ADRA1D: variants seen among roughly 807,000 people sequenced by gnomAD.
ADRA1D encodes adrenoceptor alpha 1D.
ADRA1D carries 22 observed loss-of-function variants against 18.6 expected under a neutral mutation model. The ratio of observed to expected loss-of-function variants is 1.19; its 90% CI spans 0.85 to 1.69. The LOEUF is 1.69. ADRA1D is among the 40% of genes most tolerant of loss of function. ADRA1D has a pLI of 0.00. For synonymous variants in ADRA1D, 376 were observed against 388.2 expected (o/e 0.97, Z 0.37); for missense variants, 840 against 840.7 (o/e 1.00, Z 0.01).
In ADRA1D at chr20:4,248,644, G is replaced by A. The variant is rs1257174186; in HGVS notation, c.314C>T (p.Ala105Val). The change falls in exon 1 of 2, where the codon GCC becomes GTC. Residue 105 changes from alanine (A) to valine (V), a missense_variant. Physicochemically the swap from Ala to Val is moderately conservative, Grantham distance 64. Coordinates refer to ENST00000379453, the MANE Select transcript of ADRA1D (RefSeq NM_000678.4). ...ACCTGCCACGGCCATAAGGATGAAGGCTGCCAGGAAGACGCCCACGCCCAC... is the reference window on the plus strand; with the variant it reads ...ACCTGCCACGGCCATAAGGATGAAGACTGCCAGGAAGACGCCCACGCCCAC... ...QGVGVGVFLA[A>V]FILMAVAGNL... The A allele has an allele frequency of 6.2e-7, 1 of 1,612,056 alleles. No homozygotes were observed. Among genetic ancestry groups the A allele is most frequent in the Non-Finnish European group, 8.5e-7 (1 of 1,179,450 alleles).
At chr20:4,230,368 C>T (rs192891116) in intron 1 of ADRA1D, among the ~76,000 whole-genome samples, 246 of 152,354 alleles carry the variant, frequency 1.6e-3, no homozygotes, top group African/African-American at 5.3e-3. Context: ...ATAACACTTG[C>T]TGAGTTTGCT....
intron 1 of ADRA1D, among the ~76,000 whole-genome samples, chr20:4,234,043 G>A (rs1298658686): frequency 3.3e-5 from 5 of 152,224 alleles, no homozygotes; most frequent in African/African-American, 4.8e-5. Context: ...GGTCAGAAGA[G>A]GTGAGGCCTC....
chr20:4,238,833 C>T (rs1490945143), intron 1 of ADRA1D, among the ~76,000 whole-genome samples: 2 of 152,116 alleles, frequency 1.3e-5, no homozygotes, highest in East Asian at 3.9e-4. Flanking sequence ...GGATCTGGGG[C>T]TCACAGAAAT....
chr20:4,238,014 G>A (rs558034127), intron 1 of ADRA1D, among the ~76,000 whole-genome samples: 53 of 151,042 alleles, frequency 3.5e-4, no homozygotes, highest in Non-Finnish European at 6.1e-4. Flanking sequence ...TTGGGAGGCC[G>A]AGGCGGGCGG....
At chr20:4,228,927 C>A (rs977677035) in intron 1 of ADRA1D, among the ~76,000 whole-genome samples, 1 of 152,194 alleles carries the variant, frequency 6.6e-6, no homozygotes, top group African/African-American at 2.4e-5. Flanking sequence ...CTTGTCCCCA[C>A]CTGACCTCAC....
Position 4,221,219 on chromosome 20 carries a change from A to G in ADRA1D, c.*304T>C. On this transcript the variant is annotated 3_prime_UTR_variant, in exon 2 of 2. Coordinates refer to ENST00000379453, the MANE Select transcript of ADRA1D (RefSeq NM_000678.4). ...GGGCTGTCTACTCAGGGTTCAGGGCATGGAGGATGGGGCAGTGTTTCTCAA... is the reference window on the plus strand; with the variant it reads ...GGGCTGTCTACTCAGGGTTCAGGGCGTGGAGGATGGGGCAGTGTTTCTCAA... 1 of 275,074 alleles carries G rather than the reference A, an allele frequency of 3.6e-6. No homozygotes were observed. The highest frequency in any genetic ancestry group is 6.8e-6 in the Non-Finnish European group (1 of 147,886). 17.0% of individuals were successfully genotyped at this position (275,074 alleles called of 1,614,324 possible).
At position 4,222,485 on chromosome 20, in the gene ADRA1D, C is replaced by CT. The variant is rs576739693; in HGVS notation, c.1112-356dup. The CT allele has an allele frequency of 4.6e-4, 79 of 171,256 alleles. No homozygotes were observed. The highest frequency in any genetic ancestry group is 5.1e-3 in the Middle Eastern group (2 of 396). The allele number at this position is 171,256 out of a possible 1,614,324, so 10.6% of individuals were successfully genotyped here. A position where few individuals can be genotyped will look rare whatever the true frequency, so the allele number is the denominator to read the frequency against. ...CAAACATAGCCATGTTTGCTCATTT[C>CT]TGCGTGCCAGCATAATTTCACAAAG... On this transcript the variant is annotated intron_variant, in intron 1 of 1. Transcript: ENST00000379453. This position sits in a 1 kb window ranked among gnomAD's most constrained non-coding sequence, Gnocchi z 4.3.
chr20:4,247,794 C>T, intron 1 of ADRA1D, 53 bp downstream of exon 1: 1 of 1,431,522 alleles, frequency 7.0e-7, no homozygotes, highest in Non-Finnish European at 9.1e-7. Flanking sequence ...CAGGAGGGCA[C>T]CGCCATAGGC....
intron 1 of ADRA1D, among the ~76,000 whole-genome samples, chr20:4,235,217 T>A (rs916822211): frequency 5.3e-5 from 8 of 152,076 alleles, no homozygotes; most frequent in African/African-American, 1.9e-4. Context: ...ATCCTTGAAC[T>A]ACCTGGGGCT....
chr20:4,228,406 A>T (rs548531343), intron 1 of ADRA1D, among the ~76,000 whole-genome samples: 1 of 146,260 alleles, frequency 6.8e-6, no homozygotes, highest in South Asian at 2.2e-4. Context: ...TCAAGGTGGC[A>T]TTAAGGAGGT....
chr20:4,246,808 C>A (rs1361100323), intron 1 of ADRA1D, among the ~76,000 whole-genome samples: 1 of 152,198 alleles, frequency 6.6e-6, no homozygotes, highest in Admixed American at 6.5e-5. Flanking sequence ...AGTGACACAT[C>A]TAATTTATAA....
At position 4,221,959 on chromosome 20, in the gene ADRA1D, C is replaced by T. The variant is rs753657916; in HGVS notation, c.1283G>A (p.Arg428His). 1.4e-5 allele frequency: 21 copies of T among 1,547,020 alleles called. No homozygotes were observed. Among genetic ancestry groups the T allele is most frequent in the Non-Finnish European group, 1.8e-5 (21 of 1,146,192 alleles). Residue 428 changes from arginine to histidine, a missense_variant, in exon 2 of 2, where the codon CGC (arginine) becomes CAC (histidine). Arg to His is a conservative substitution (Grantham distance 29). Transcript: ENST00000379453. Reference protein sequence around the residue: ...RCQCRRRRRRRPLWRVYGHHW... With the variant: ...RCQCRRRRRRHPLWRVYGHHW... ...GTGGCCGTAGACACGCCAGAGAGGG[C>T]GGCGGCGCCGGCGACGACGGCACTG... is the stretch of plus-strand genomic sequence containing the variant.
At chr20:4,228,633 C>T (rs1980876632) in intron 1 of ADRA1D, among the ~76,000 whole-genome samples, 8 of 152,244 alleles carry the variant, frequency 5.3e-5, no homozygotes, top group Admixed American at 5.2e-4. Flanking sequence ...CCAAGCCTTG[C>T]AGCCTGCCCC....
chr20:4,244,799 G>C (rs1981296340), intron 1 of ADRA1D, among the ~76,000 whole-genome samples: 1 of 152,230 alleles, frequency 6.6e-6, no homozygotes, highest in Admixed American at 6.5e-5. Context: ...AAGCCATACT[G>C]GGGCAGATCG....
intron 1 of ADRA1D, among the ~76,000 whole-genome samples, chr20:4,224,384 C>G (rs1023453834): frequency 6.6e-6 from 1 of 152,038 alleles, no homozygotes; most frequent in Admixed American, 6.5e-5. Context: ...GAAGACCCTC[C>G]TTTCCACAAA....
At position 4,221,638 on chromosome 20, in the gene ADRA1D, T is replaced by C; in HGVS notation, c.1604A>G (p.Gln535Arg). The C allele has an allele frequency of 6.2e-7, 1 of 1,613,020 alleles. No homozygotes were observed. The highest frequency in any genetic ancestry group is 8.5e-7 in the Non-Finnish European group (1 of 1,179,588). Reference sequence around the variant, plus strand: ...GGACACAGCCTCCACCTCTGAGCGCTGGGCGCACGCTGCCTCTGCGCGCTG... The same window carrying C: ...GGACACAGCCTCCACCTCTGAGCGCCGGGCGCACGCTGCCTCTGCGCGCTG... ...GAQRAEAACA[Q>R]RSEVEAVSLG... The change falls in exon 2 of 2, where the codon CAG becomes CGG. Residue 535 changes from glutamine to arginine, a missense_variant. By Grantham distance (43) the Gln-to-Arg change is conservative. Coordinates refer to ENST00000379453, the MANE Select transcript of ADRA1D (RefSeq NM_000678.4).
Position 4,221,883 on chromosome 20 carries a change from C to G in ADRA1D, c.1359G>C (p.Ser453=). 6.8e-7 allele frequency: 1 copy of G among 1,479,026 alleles called. No homozygotes were observed. The highest frequency in any genetic ancestry group is 1.3e-5 in the South Asian group (1 of 75,892). 91.6% of individuals were successfully genotyped at this position (1,479,026 alleles called of 1,614,324 possible). A position where few individuals can be genotyped will look rare whatever the true frequency, so the allele number is the denominator to read the frequency against. ...SGLRQDCAPS[S]GDAPPGAPLA... is the part of the protein sequence containing the mutation. Reference sequence around the variant, plus strand: ...GCGGCGCTCCGGGGGGCGCGTCGCCCGAACTCGGGGCGCAGTCCTGGCGCA... The same window carrying G: ...GCGGCGCTCCGGGGGGCGCGTCGCCGGAACTCGGGGCGCAGTCCTGGCGCA... The change falls in exon 2 of 2, where the codon TCG becomes TCC. Residue 453 remains serine, a synonymous_variant. Coordinates refer to ENST00000379453, the MANE Select transcript of ADRA1D (RefSeq NM_000678.4).
chr20:4,246,662 C>T (rs1981343242), intron 1 of ADRA1D, among the ~76,000 whole-genome samples: 1 of 152,100 alleles, frequency 6.6e-6, no homozygotes, highest in South Asian at 2.1e-4. Flanking sequence ...CCTGTGGTCC[C>T]AGTGTAAATA....
intron 1 of ADRA1D, among the ~76,000 whole-genome samples, chr20:4,241,443 A>G (rs1055238360): frequency 6.6e-6 from 1 of 152,230 alleles, no homozygotes; most frequent in Non-Finnish European, 1.5e-5. Context: ...TCTTGCCACA[A>G]TAAAAGAAAA....
Sources: allele counts gnomAD v4.1 joint callset (sites outside exome capture counted in the v4.1 genomes callset), GRCh38; gene constraint gnomAD v4.1.1; non-coding constraint Gnocchi (gnomAD v3.1); transcripts MANE v1.5; gene names NCBI Gene and HGNC (gene_info 2026-07-23, HGNC 2026-07-21).